The following CTNNA2 variants were observed in gnomAD, a reference collection of about 807,000 sequenced individuals.
The protein encoded by CTNNA2 is catenin alpha-2.
CTNNA2 carries 42 observed loss-of-function variants against 101.0 expected under a neutral mutation model. The ratio of observed to expected loss-of-function variants is 0.42; its 90% CI spans 0.32 to 0.54. The LOEUF (loss-of-function observed/expected upper bound fraction) is 0.54. Ranked by LOEUF, CTNNA2 falls within the 20% of genes least tolerant of loss-of-function variation. The pLI, the probability that CTNNA2 is intolerant of heterozygous loss-of-function variation, is 0.14. For missense variants in CTNNA2, 871 were observed against 1,223.1 expected, an observed-to-expected ratio of 0.71 and a Z score of 4.29; for synonymous variants, 450 against 456.4, an observed-to-expected ratio of 0.99 and a Z score of 0.18.
At chr2:80,618,545 T>G (rs1699039028) in intron 17 of CTNNA2, among the ~76,000 whole-genome samples, 2 of 151,870 alleles carry the variant, frequency 1.3e-5, no homozygotes, top group Non-Finnish European at 2.9e-5. Context: ...GTAGCAACAA[T>G]GAATGCATTA....
intron 7 of CTNNA2, among the ~76,000 whole-genome samples, chr2:80,360,772 A>T (rs1239501263): frequency 6.6e-6 from 1 of 152,088 alleles, no homozygotes; most frequent in Non-Finnish European, 1.5e-5. Context: ...ATCTACAATG[A>T]TAGCATTTTG....
intron 3 of CTNNA2, among the ~76,000 whole-genome samples, chr2:79,313,643 T>C (rs1054721119): frequency 6.6e-6 from 1 of 152,166 alleles, no homozygotes; most frequent in African/African-American, 2.4e-5. Flanking sequence ...CCACATTAGC[T>C]AATGTGGTCC....
chr2:80,539,686 T>G (rs1284144343), intron 9 of CTNNA2, among the ~76,000 whole-genome samples: 1 of 152,140 alleles, frequency 6.6e-6, no homozygotes, highest in East Asian at 1.9e-4. Context: ...TCTTCTCAGC[T>G]TTTACTTCCC....
chr2:79,515,826 T>A (rs1430639), intron 1 of CTNNA2, among the ~76,000 whole-genome samples: 111,890 of 152,020 alleles, frequency 0.74, 41,555 homozygotes, highest in African/African-American at 0.84. Context: ...TTAAAAATAC[T>A]TGATACAATA....
At chr2:79,625,941 G>A (rs1442090319) in intron 1 of CTNNA2, among the ~76,000 whole-genome samples, 1 of 152,156 alleles carries the variant, frequency 6.6e-6, no homozygotes, top group African/African-American at 2.4e-5. Flanking sequence ...CCTCTGGCAG[G>A]GTTTGGAGAT....
At chr2:80,208,122 A>G (rs1707644097) in intron 7 of CTNNA2, among the ~76,000 whole-genome samples, 1 of 152,204 alleles carries the variant, frequency 6.6e-6, no homozygotes, top group Non-Finnish European at 1.5e-5. Flanking sequence ...TACTTTGCCA[A>G]GGTTTCTAAA....
At chr2:79,401,129 C>A (rs1411167721) in intron 4 of CTNNA2, among the ~76,000 whole-genome samples, 3 of 151,788 alleles carry the variant, frequency 2.0e-5, no homozygotes, top group Middle Eastern at 3.4e-3. Context: ...TAAACAGTAA[C>A]TTGAATCCTT....
intron 7 of CTNNA2, among the ~76,000 whole-genome samples, chr2:80,148,460 G>A (rs1042114619): frequency 3.3e-5 from 5 of 152,228 alleles, no homozygotes; most frequent in African/African-American, 1.2e-4. Context: ...CTGCCTAAAG[G>A]CCTCTAGGCC....
chr2:80,558,238 C>A (rs1693218588), intron 12 of CTNNA2, among the ~76,000 whole-genome samples: 2 of 152,142 alleles, frequency 1.3e-5, no homozygotes, highest in South Asian at 4.1e-4. Context: ...CCCAATTGTT[C>A]TTCTCTTTCT....
intron 9 of CTNNA2, among the ~76,000 whole-genome samples, chr2:80,506,775 A>G (rs898034305): frequency 2.6e-5 from 4 of 152,188 alleles, no homozygotes; most frequent in African/African-American, 7.2e-5. Flanking sequence ...GGGATGGACA[A>G]GAGTTAAAGC....
At chr2:79,416,576 A>G (rs1409435766) in intron 4 of CTNNA2, among the ~76,000 whole-genome samples, 3 of 152,030 alleles carry the variant, frequency 2.0e-5, no homozygotes, top group Non-Finnish European at 2.9e-5. Context: ...AATTTCAATC[A>G]TTGTATACTC....
intron 2 of CTNNA2, among the ~76,000 whole-genome samples, chr2:79,310,686 T>A (rs1244398667): frequency 6.6e-6 from 1 of 152,194 alleles, no homozygotes; most frequent in Non-Finnish European, 1.5e-5. Flanking sequence ...AATGCAGAAT[T>A]GAGAAACTGA....
chr2:80,117,128 C>T (rs1701569088), intron 7 of CTNNA2, among the ~76,000 whole-genome samples: 1 of 152,026 alleles, frequency 6.6e-6, no homozygotes, highest in Admixed American at 6.6e-5. Context: ...CTATTTAATT[C>T]CTAATCTGTA....
At chr2:80,188,070 A>G (rs547790946) in intron 7 of CTNNA2, among the ~76,000 whole-genome samples, 57 of 152,070 alleles carry the variant, frequency 3.7e-4, no homozygotes, top group Non-Finnish European at 7.8e-4. Context: ...AGTGCCCCCA[A>G]CCTATTGTTT....
chr2:79,694,420 A>T (rs1305221581), intron 2 of CTNNA2, among the ~76,000 whole-genome samples: 1 of 152,018 alleles, frequency 6.6e-6, no homozygotes, highest in Admixed American at 6.6e-5. Flanking sequence ...AATAAACAAG[A>T]TGCAAGAGGT....
At chr2:80,400,812 C>T (rs1395832514) in intron 8 of CTNNA2, among the ~76,000 whole-genome samples, 3 of 152,286 alleles carry the variant, frequency 2.0e-5, no homozygotes, top group African/African-American at 7.2e-5. Context: ...GCTTTTCACA[C>T]ACACAAAAGA....
chr2:79,466,710 G>A (rs892872020), intron 4 of CTNNA2, among the ~76,000 whole-genome samples: 3 of 152,216 alleles, frequency 2.0e-5, no homozygotes, highest in African/African-American at 7.2e-5. Context: ...AGCAACATTT[G>A]CTGTTCAGCA....
intron 7 of CTNNA2, among the ~76,000 whole-genome samples, chr2:80,207,230 A>G (rs1043932935): frequency 1.3e-5 from 2 of 152,218 alleles, no homozygotes; most frequent in African/African-American, 4.8e-5. Flanking sequence ...TTAATTACAG[A>G]TGTATTGGAC....
Position 80,004,420 on chromosome 2 carries a change from A to G in CTNNA2, c.1056+94623A>G, listed in dbSNP as rs558905174. ...GTGGAGAGCAGAAGAGAAGCCATGA[A>G]CAAGTCAGAGATCGTTGTTACAAAT... On this transcript the variant is annotated intron_variant, in intron 7 of 18. Coordinates refer to ENST00000402739, the MANE Select transcript of CTNNA2 (RefSeq NM_001282597.3). Among the ~76,000 whole-genome samples the G allele has an allele frequency of 4.6e-3, 693 of 152,268 alleles. 7 individuals are homozygous for G. The highest frequency in any genetic ancestry group is 0.016 in the African/African-American group (653 of 41,558).
Sources: gnomAD v4.1 joint callset for allele counts (sites outside exome capture counted in the v4.1 genomes callset) on GRCh38, gnomAD v4.1.1 for gene constraint, MANE v1.5 for transcripts, NCBI Gene and HGNC (gene_info 2026-07-23, HGNC 2026-07-21) for gene names.